FRMPD4: variants seen among roughly 807,000 people sequenced by gnomAD.
The protein encoded by FRMPD4 is FERM and PDZ domain-containing protein 4.
Under a neutral mutation model 94.1 loss-of-function variants are expected in FRMPD4, and 22 were observed. That is an observed-to-expected ratio of 0.23 (90% confidence interval 0.17 to 0.33). The LOEUF (loss-of-function observed/expected upper bound fraction) is 0.33, where lower values mean the gene tolerates loss of function less well. Ranked by LOEUF, FRMPD4 falls within the 10% of genes least tolerant of loss-of-function variation. The pLI, the probability that FRMPD4 is intolerant of heterozygous loss-of-function variation, is 1.00. For synonymous variants in FRMPD4, 631 were observed against 548.6 expected, an observed-to-expected ratio of 1.15 and a Z score of -2.10; for missense variants, 1,111 against 1,339.9, an observed-to-expected ratio of 0.83 and a Z score of 2.67.
intron 3 of FRMPD4, among the ~76,000 whole-genome samples, chrX:11,980,518 G>A (rs1163441484): frequency 9.0e-6 from 1 of 110,920 alleles, no homozygotes; most frequent in Non-Finnish European, 1.9e-5. Flanking sequence ...TCTTAATTTT[G>A]TTAATTAGCT....
At chrX:12,711,021 T>C (rs1021696977) in intron 14 of FRMPD4, among the ~76,000 whole-genome samples, 2 of 112,377 alleles carry the variant, frequency 1.8e-5, no homozygotes, top group South Asian at 3.7e-4. Flanking sequence ...TGTGGGCTAA[T>C]TGTTAAAAAG....
At chrX:12,141,638 C>T (rs6640909) in intron 1 of FRMPD4, among the ~76,000 whole-genome samples, 8,183 of 110,914 alleles carry the variant, frequency 0.074, 922 homozygotes, top group East Asian at 0.63. Flanking sequence ...GCACCCTTTA[C>T]ATCATCAGTT....
rs147084190 is a variant in FRMPD4 at position 11,952,510 on chromosome X, C to T, written c.95+74492C>T. On this transcript the variant is annotated intron_variant, in intron 3 of 18. Coordinates refer to the FRMPD4 transcript ENST00000640291. ...TTCCCCAGAGCCCAATTGTAATCTG[C>T]GAAAGGCAGTGGGACCTGGCAGCCA... is the stretch of plus-strand genomic sequence containing the variant. Among the ~76,000 whole-genome samples the T allele has an allele frequency of 2.3e-3, 260 of 112,289 alleles. 5 individuals are homozygous for T. In the East Asian group the frequency reaches 0.039, roughly 17 times the overall value.
intron 3 of FRMPD4, among the ~76,000 whole-genome samples, chrX:11,898,368 G>C (rs1206816713): frequency 1.8e-5 from 2 of 111,405 alleles, no homozygotes; most frequent in African/African-American, 6.5e-5. Flanking sequence ...GCTGCTTGTA[G>C]ATGGCTTGGT....
intron 6 of FRMPD4, among the ~76,000 whole-genome samples, chrX:12,685,066 CTG>C (rs2060006996): frequency 8.9e-6 from 1 of 112,046 alleles, no homozygotes; most frequent in South Asian, 3.7e-4. Flanking sequence ...GAGAGCAAGA[CTG>C]TGCGGGAAGT....
chrX:12,339,821 T>A (rs746331744), intron 1 of FRMPD4, among the ~76,000 whole-genome samples: 2 of 111,659 alleles, frequency 1.8e-5, no homozygotes, highest in Non-Finnish European at 3.8e-5. Context: ...TTCACCATAT[T>A]GGCCAGGCTG....
chrX:12,445,204 C>G (rs2057180798), intron 1 of FRMPD4, among the ~76,000 whole-genome samples: 1 of 111,955 alleles, frequency 8.9e-6, no homozygotes, highest in African/African-American at 3.2e-5. Context: ...TCAACAGCAT[C>G]ACCTGGGAAT....
At chrX:12,668,328 C>T (rs1171695458) in intron 4 of FRMPD4, among the ~76,000 whole-genome samples, 1 of 111,114 alleles carries the variant, frequency 9.0e-6, no homozygotes, top group Non-Finnish European at 1.9e-5. Flanking sequence ...AAGCATGTCC[C>T]TAGTCCTGGT....
intron 2 of FRMPD4, among the ~76,000 whole-genome samples, chrX:12,538,994 A>G (rs991494085): frequency 2.1e-4 from 23 of 112,139 alleles, no homozygotes; most frequent in Non-Finnish European, 3.8e-4. Context: ...TCTGCGAGCT[A>G]AAGGAGGAAG....
chrX:12,648,152 T>C (rs1012299679), intron 4 of FRMPD4, among the ~76,000 whole-genome samples: 1 of 111,765 alleles, frequency 8.9e-6, no homozygotes, highest in Admixed American at 9.5e-5. Context: ...TTTGTAATTA[T>C]TCTATTACTA....
chrX:12,427,897 C>CTTT (rs139267482), intron 1 of FRMPD4, among the ~76,000 whole-genome samples: 4 of 54,771 alleles, frequency 7.3e-5, no homozygotes, highest in Non-Finnish European at 1.2e-4. Context: ...CCTTTTTTCT[C>CTTT]TTTTTTTTTT....
intron 1 of FRMPD4, among the ~76,000 whole-genome samples, chrX:12,331,670 A>ATAAATTATATATTTATATAATATATAAAT (rs1444329624): frequency 1.3e-5 from 1 of 74,235 alleles, no homozygotes; most frequent in African/African-American, 5.7e-5. Flanking sequence ...ATATATAAAT[A>ATAAATTATATATTTATATAATATATAAAT]TATAAATTAT....
At chrX:11,841,079 AT>A (rs779926474) in intron 1 of FRMPD4, among the ~76,000 whole-genome samples, 22 of 109,192 alleles carry the variant, frequency 2.0e-4, no homozygotes, top group Middle Eastern at 4.7e-3. Context: ...TGAGCTCATC[AT>A]TTTTTTTATG....
chrX:12,713,822 A>G (rs901262433), intron 14 of FRMPD4, among the ~76,000 whole-genome samples: 5 of 111,949 alleles, frequency 4.5e-5, no homozygotes, highest in African/African-American at 1.6e-4. Context: ...TCTGGAAGGA[A>G]GCCAGATTGA....
chrX:12,402,439 TACCTCAGTAAGTTGC>T (rs955744665), intron 1 of FRMPD4, among the ~76,000 whole-genome samples: 1 of 111,424 alleles, frequency 9.0e-6, no homozygotes, highest in African/African-American at 3.3e-5. Flanking sequence ...AGGACTTCCC[TACCTCAGTAAGTTGC>T]ACCATCTCAG....
At chrX:11,879,345 C>T (rs2053801573) in intron 3 of FRMPD4, among the ~76,000 whole-genome samples, 1 of 111,833 alleles carries the variant, frequency 8.9e-6, no homozygotes, top group Non-Finnish European at 1.9e-5. Context: ...TTTGTGCCTC[C>T]TATCTTTCCT....
intron 1 of FRMPD4, among the ~76,000 whole-genome samples, chrX:12,409,201 A>C (rs2056702360): frequency 8.9e-6 from 1 of 111,989 alleles, no homozygotes; most frequent in Non-Finnish European, 1.9e-5. Context: ...CACCTTTTTC[A>C]AAAATATAGC....
At chrX:12,706,502 C>G (rs1415765634) in intron 11 of FRMPD4, among the ~76,000 whole-genome samples, 1 of 111,745 alleles carries the variant, frequency 8.9e-6, no homozygotes, top group African/African-American at 3.3e-5. Context: ...CTCTTGAAAT[C>G]TCCCAGTGAG....
intron 1 of FRMPD4, among the ~76,000 whole-genome samples, chrX:12,346,477 T>C (rs1272305788): frequency 9.0e-6 from 1 of 111,289 alleles, no homozygotes; most frequent in East Asian, 2.8e-4. Flanking sequence ...TTATATAATA[T>C]CTTGGCTTAC....
Sources: gnomAD v4.1 joint callset for allele counts (sites outside exome capture counted in the v4.1 genomes callset) on GRCh38, gnomAD v4.1.1 for gene constraint, MANE v1.5 for transcripts, NCBI Gene and HGNC (gene_info 2026-07-23, HGNC 2026-07-21) for gene names.